FAM114A2: variants seen among roughly 807,000 people sequenced by gnomAD.
FAM114A2 encodes the protein protein FAM114A2.
A neutral mutation model predicts 58.4 loss-of-function variants in FAM114A2; 53 were observed. The ratio of observed to expected loss-of-function variants is 0.91; its 90% confidence interval spans 0.73 to 1.14. FAM114A2 has a LOEUF of 1.14. Ranked by LOEUF, FAM114A2 falls within the 50% of genes most tolerant of loss-of-function variation. The probability of loss-of-function intolerance (pLI) is 0.00; values close to 1 mark genes in which losing one functional copy is unlikely to be tolerated. For missense variants in FAM114A2, 601 were observed against 581.1 expected, an observed-to-expected ratio of 1.03 and a Z score of -0.35; for synonymous variants, 228 against 211.4, an observed-to-expected ratio of 1.08 and a Z score of -0.68.
chr5:153,997,932 T>C, intron 11 of FAM114A2, 57 bp from the exon 12 acceptor site: 1 of 1,035,016 alleles, frequency 9.7e-7, no homozygotes, highest in Non-Finnish European at 1.5e-6. Flanking sequence ...AAATAAGTTA[T>C]ATTTAACAAT....
intron 8 of FAM114A2, among the ~76,000 whole-genome samples, chr5:154,022,564 T>C (rs1319006789): frequency 6.6e-6 from 1 of 152,176 alleles, no homozygotes; most frequent in Non-Finnish European, 1.5e-5. Context: ...ATCAGAGAAA[T>C]GCAAATCAAA....
intron 9 of FAM114A2, among the ~76,000 whole-genome samples, chr5:154,008,145 T>C (rs1479373321): frequency 6.6e-6 from 1 of 152,116 alleles, no homozygotes; most frequent in African/African-American, 2.4e-5. Context: ...TATGTTGACT[T>C]TTCCATCAGA....
At chr5:154,022,271 C>G (rs1428759540) in intron 8 of FAM114A2, among the ~76,000 whole-genome samples, 2 of 152,116 alleles carry the variant, frequency 1.3e-5, no homozygotes, top group Non-Finnish European at 2.9e-5. Flanking sequence ...CAACAAAAGC[C>G]AAAACAGATA....
intron 7 of FAM114A2, among the ~76,000 whole-genome samples, chr5:154,026,911 G>A (rs1365295555): frequency 6.6e-6 from 1 of 150,850 alleles, no homozygotes; most frequent in Admixed American, 6.6e-5. Context: ...CAAAACGAAG[G>A]AAAAATAACA....
intron 4 of FAM114A2, among the ~76,000 whole-genome samples, chr5:154,031,374 G>A (rs2560059): frequency 0.59 from 86,691 of 146,234 alleles, 26,145 homozygotes; most frequent in East Asian, 0.76. Context: ...ACTGCCCGCC[G>A]ACAAAAGGAA....
intron 7 of FAM114A2, 50 bp downstream of exon 7, chr5:154,027,126 A>C: frequency 6.8e-7 from 1 of 1,464,936 alleles, no homozygotes; most frequent in Non-Finnish European, 9.4e-7. Context: ...ACCATGCAGC[A>C]TTCTTTTACT....
chr5:154,006,574 T>C (rs1195558346), intron 9 of FAM114A2, among the ~76,000 whole-genome samples: 1 of 152,040 alleles, frequency 6.6e-6, no homozygotes, highest in Non-Finnish European at 1.5e-5. Flanking sequence ...GTTGGAGTAG[T>C]GAGGTTTACA....
intron 8 of FAM114A2, among the ~76,000 whole-genome samples, chr5:154,022,141 A>C (rs182282874): frequency 1.2e-3 from 179 of 152,324 alleles, no homozygotes; most frequent in Non-Finnish European, 2.0e-3. Context: ...ACAAAAATCA[A>C]TTCAAGATGG....
At position 153,992,015 on chromosome 5, in the gene FAM114A2, G is replaced by A. The variant is rs184001708; in HGVS notation, c.*961C>T. 6.6e-6 allele frequency: 1 copy of A among 152,094 alleles called. No homozygotes were observed. Among genetic ancestry groups the A allele is most frequent in the African/African-American group, 2.4e-5 (1 of 41,500 alleles). 9.4% of individuals were successfully genotyped at this position (152,094 alleles called of 1,614,324 possible). On this transcript the variant is annotated 3_prime_UTR_variant, in exon 14 of 14. Transcript: ENST00000351797. Reference sequence around the variant, plus strand: ...AAGAATACATTAAAACAAACAAAAAGGAAAGAGGAAAAAATAAACTATGCC... The same window carrying A: ...AAGAATACATTAAAACAAACAAAAAAGAAAGAGGAAAAAATAAACTATGCC...
chr5:154,035,076 A>T, intron 1 of FAM114A2, 109 bp from the exon 2 acceptor site: 1 of 653,108 alleles, frequency 1.5e-6, no homozygotes, highest in Non-Finnish European at 2.6e-6. Context: ...AAGTATAAGG[A>T]ATAATACAGA....
intron 11 of FAM114A2, among the ~76,000 whole-genome samples, chr5:153,999,543 AGAATCACTTGAACATAGGAGGCAGAG>A (rs905271058): frequency 2.0e-5 from 3 of 151,948 alleles, no homozygotes; most frequent in Non-Finnish European, 2.9e-5. Context: ...CGGAGGCAGA[AGAATCACTTGAACATAGGAGGCAGAG>A]GTTGCAGTGA....
intron 12 of FAM114A2, 89 bp from the exon 13 acceptor site, chr5:153,995,061 C>CATAAATTAAAA: frequency 1.3e-6 from 1 of 797,984 alleles, no homozygotes; most frequent in Non-Finnish European, 2.2e-6. Flanking sequence ...CACACACACA[C>CATAAATTAAAA]CCATACATAA....
At chr5:154,015,915 C>T (rs969929885) in intron 8 of FAM114A2, among the ~76,000 whole-genome samples, 12 of 151,864 alleles carry the variant, frequency 7.9e-5, no homozygotes, top group African/African-American at 2.9e-4. Context: ...ACAGAGATAG[C>T]ATAAATAAAA....
At chr5:153,993,184 G>C in intron 13 of FAM114A2, 74 bp from the exon 14 acceptor site, 2 of 1,191,490 alleles carry the variant, frequency 1.7e-6, no homozygotes, top group Non-Finnish European at 2.3e-6. Flanking sequence ...AAGGCAACAG[G>C]GGAACAGATT....
At chr5:154,011,709 A>G (rs991171767) in intron 8 of FAM114A2, among the ~76,000 whole-genome samples, 1 of 151,886 alleles carries the variant, frequency 6.6e-6, no homozygotes, top group Admixed American at 6.6e-5. Flanking sequence ...TGGTGACAGC[A>G]TAGACTAAGC....
At chr5:154,008,318 C>T (rs541717222) in intron 9 of FAM114A2, among the ~76,000 whole-genome samples, 55 of 152,014 alleles carry the variant, frequency 3.6e-4, no homozygotes, top group African/African-American at 1.2e-3. Flanking sequence ...TTTTTGGAAG[C>T]GTATTAATAC....
chr5:154,016,753 C>A (rs777774468), intron 8 of FAM114A2, among the ~76,000 whole-genome samples: 9 of 151,596 alleles, frequency 5.9e-5, no homozygotes, highest in African/African-American at 9.7e-5. Flanking sequence ...GGCAACACAG[C>A]ACAATGAATG....
chr5:154,038,894 G>C lies in FAM114A2; in HGVS notation c.-52C>G, dbSNP rs546861433. 18 of 152,496 alleles carry C rather than the reference G, an allele frequency of 1.2e-4. No individual in the cohort carries two copies. Among genetic ancestry groups the C allele is most frequent in the African/African-American group, 3.1e-4 (13 of 41,466 alleles). 9.4% of individuals were successfully genotyped at this position (152,496 alleles called of 1,614,324 possible). A position where few individuals can be genotyped will look rare whatever the true frequency, so the allele number is the denominator to read the frequency against. On this transcript the variant is annotated 5_prime_UTR_variant, in exon 1 of 14. Coordinates refer to ENST00000351797, the MANE Select transcript of FAM114A2 (RefSeq NM_018691.4). Reference sequence around the variant, plus strand: ...CACCCTCAGCACAGCCACGGCAGCCGACTCGGCGTTCCTACTGCCCCGGAA... The same window carrying C: ...CACCCTCAGCACAGCCACGGCAGCCCACTCGGCGTTCCTACTGCCCCGGAA...
rs1771776116 is a variant in FAM114A2 at position 154,026,449 on chromosome 5, TC to T, written c.862del (p.Glu288LysfsTer5). The T allele has an allele frequency of 2.5e-6, 4 of 1,582,158 alleles. No individual in the cohort carries two copies. The South Asian group carries it at 4.7e-5, about 18-fold the overall frequency. On this transcript the variant is annotated frameshift_variant, in exon 8 of 14. Coordinates refer to ENST00000351797, the MANE Select transcript of FAM114A2 (RefSeq NM_018691.4). LOFTEE classifies it high-confidence loss of function. ...TLKVELEQLKETFSLAEFCEE... is the reference protein window; with the variant it reads ...TLKVELEQLKXTFSLAEFCEE... ...ACAAAATTCTGCTAGAGAAAATGTTTCTTTGAGTTGCTCTAATTCAACTTTT... is the reference window on the plus strand; with the variant it reads ...ACAAAATTCTGCTAGAGAAAATGTTTTTTGAGTTGCTCTAATTCAACTTTT...
Sources: gnomAD v4.1 joint callset for allele counts (sites outside exome capture counted in the v4.1 genomes callset) on GRCh38, gnomAD v4.1.1 for gene constraint, MANE v1.5 for transcripts, NCBI Gene and HGNC (gene_info 2026-07-23, HGNC 2026-07-21) for gene names.